PGM5: variants seen among roughly 807,000 people sequenced by gnomAD.
PGM5 encodes phosphoglucomutase-like protein 5.
In PGM5, 23 loss-of-function variants were observed where a neutral mutation model predicts 59.2. The ratio of observed to expected loss-of-function variants is 0.39; its 90% CI spans 0.28 to 0.55. The LOEUF is 0.55. PGM5 is among the 20% of genes least tolerant of loss of function. The probability of loss-of-function intolerance (pLI) is 0.66; values close to 1 mark genes in which losing one functional copy is unlikely to be tolerated. For missense variants in PGM5, 574 were observed against 748.3 expected, an observed-to-expected ratio of 0.77 and a Z score of 2.72; for synonymous variants, 214 against 286.0, an observed-to-expected ratio of 0.75 and a Z score of 2.54.
chr9:68,418,922 C>T lies in PGM5; in HGVS notation c.1043+26449C>T, dbSNP rs557410260. On this transcript the variant is annotated intron_variant, in intron 6 of 10. Coordinates refer to ENST00000396396, the MANE Select transcript of PGM5 (RefSeq NM_021965.4). ...GGGTAAAATGATACCGCAGGAGGAA[C>T]CAGGCTTATGCGAGCTTTATAGTCG... Among the ~76,000 whole-genome samples the T allele has an allele frequency of 3.3e-5, 5 of 152,170 alleles. No individual in the cohort carries two copies. The East Asian group carries it at 9.7e-4, about 29-fold the overall frequency.
At chr9:68,379,923 G>A (rs1156929840) in intron 2 of PGM5, among the ~76,000 whole-genome samples, 1 of 151,918 alleles carries the variant, frequency 6.6e-6, no homozygotes, top group East Asian at 1.9e-4. Flanking sequence ...AAACATATAT[G>A]CATCCAACAT....
At chr9:68,384,583 T>C (rs782178483) in intron 3 of PGM5, 39 bp downstream of exon 3, 3 of 1,412,488 alleles carry the variant, frequency 2.1e-6, no homozygotes, top group Non-Finnish European at 2.0e-6. Flanking sequence ...AGAGTAACTA[T>C]GTGGATGGGG....
At chr9:68,400,959 A>G (rs1183175849) in intron 6 of PGM5, among the ~76,000 whole-genome samples, 2 of 152,228 alleles carry the variant, frequency 1.3e-5, no homozygotes, top group Non-Finnish European at 2.9e-5. Context: ...TACAAGACGC[A>G]TAAGGTGGCC....
intron 10 of PGM5, among the ~76,000 whole-genome samples, chr9:68,515,941 C>T: frequency 6.6e-6 from 1 of 152,110 alleles, no homozygotes; most frequent in Non-Finnish European, 1.5e-5. Flanking sequence ...ATAATAATAA[C>T]AATAGTATCA....
At chr9:68,376,912 CTTTCTTTT>C (rs1821933827) in intron 1 of PGM5, among the ~76,000 whole-genome samples, 1 of 128,414 alleles carries the variant, frequency 7.8e-6, no homozygotes, top group East Asian at 2.3e-4. Context: ...CTCTTTCTTT[CTTTCTTTT>C]TCTTTCTTCT....
intron 7 of PGM5, among the ~76,000 whole-genome samples, chr9:68,471,713 G>T (rs1354060975): frequency 6.6e-6 from 1 of 151,922 alleles, no homozygotes; most frequent in Admixed American, 6.6e-5. Context: ...GAGGTCAGGA[G>T]TTCAAGACCA....
intron 6 of PGM5, among the ~76,000 whole-genome samples, chr9:68,409,847 CATATGT>C (rs1822893392): frequency 7.1e-6 from 1 of 141,142 alleles, no homozygotes; most frequent in Admixed American, 7.3e-5. Flanking sequence ...GCACAATGTG[CATATGT>C]ACCCTAAAAC....
At chr9:68,470,064 T>A (rs1314588542) in intron 7 of PGM5, among the ~76,000 whole-genome samples, 1 of 152,186 alleles carries the variant, frequency 6.6e-6, no homozygotes, top group Non-Finnish European at 1.5e-5. Flanking sequence ...TCTTTAAATA[T>A]TTTCAATCAT....
At chr9:68,424,936 T>C (rs891134286) in intron 6 of PGM5, among the ~76,000 whole-genome samples, 2 of 152,212 alleles carry the variant, frequency 1.3e-5, no homozygotes, top group Non-Finnish European at 2.9e-5. Flanking sequence ...TTGACCTCCT[T>C]CTTCCTTTCT....
intron 10 of PGM5, among the ~76,000 whole-genome samples, chr9:68,516,976 A>G (rs1451825871): frequency 6.6e-6 from 1 of 151,406 alleles, no homozygotes; most frequent in African/African-American, 2.4e-5. Context: ...GGTTCAAACA[A>G]TTCTCCTGCC....
chr9:68,393,203 A>G (rs1360574218), intron 6 of PGM5, among the ~76,000 whole-genome samples: 3 of 152,092 alleles, frequency 2.0e-5, no homozygotes, highest in African/African-American at 7.2e-5. Context: ...AAGTTAGAAA[A>G]CACAAATAAG....
chr9:68,475,755 G>C (rs891561020), intron 7 of PGM5, among the ~76,000 whole-genome samples: 1 of 152,158 alleles, frequency 6.6e-6, no homozygotes, highest in Non-Finnish European at 1.5e-5. Context: ...ATTCTTGTTT[G>C]ATTTATTTTG....
chr9:68,502,196 G>T (rs1824585322), intron 10 of PGM5, among the ~76,000 whole-genome samples: 3 of 152,322 alleles, frequency 2.0e-5, no homozygotes, highest in Admixed American at 1.3e-4. Flanking sequence ...AGGAAGGAAA[G>T]CTTCCAAAGG....
Position 68,479,445 on chromosome 9 carries a change from G to T in PGM5, c.1187G>T (p.Gly396Val). The T allele has an allele frequency of 6.2e-7, 1 of 1,613,850 alleles. No individual in the cohort carries two copies. The highest frequency in any genetic ancestry group is 8.5e-7 in the Non-Finnish European group (1 of 1,179,938). Residue 396 changes from glycine to valine, a missense_variant, in exon 8 of 11, where the codon GGC becomes GTC. By Grantham distance (109) the Gly-to-Val change is moderately radical. Around this residue, in one of 7 missense-constraint regions of PGM5, gnomAD observed 300 missense variants for 280.0 expected, o/e 1.07. Coordinates refer to ENST00000396396, the MANE Select transcript of PGM5 (RefSeq NM_021965.4). ...TGSDHLREKDGLWAVLVWLSI... is the reference protein window; with the variant it reads ...TGSDHLREKDVLWAVLVWLSI... ...TCTGACCACCTCCGAGAGAAGGATG[G>T]CCTGTGGGCTGTCTTGGTCTGGCTC...
chr9:68,410,139 A>C (rs1264225256), intron 6 of PGM5, among the ~76,000 whole-genome samples: 1 of 152,216 alleles, frequency 6.6e-6, no homozygotes, highest in African/African-American at 2.4e-5. Flanking sequence ...GGCAGCAACT[A>C]GAGAGAGGAT....
chr9:68,359,841 A>T (rs1834544752), intron 1 of PGM5, among the ~76,000 whole-genome samples: 1 of 152,210 alleles, frequency 6.6e-6, no homozygotes, highest in South Asian at 2.1e-4. Flanking sequence ...TTCTTTTTTT[A>T]AATTAAATTT....
chr9:68,365,070 A>G (rs1472825156), intron 1 of PGM5, among the ~76,000 whole-genome samples: 1 of 151,770 alleles, frequency 6.6e-6, no homozygotes, highest in Non-Finnish European at 1.5e-5. Context: ...TTCTATACAG[A>G]CTTGAGGACA....
At chr9:68,484,102 A>G in intron 9 of PGM5, 54 bp downstream of exon 9, 1 of 1,501,002 alleles carries the variant, frequency 6.7e-7, no homozygotes, top group Non-Finnish European at 9.2e-7. Flanking sequence ...AGTGGCCAAA[A>G]TGTCCTAGAA....
At chr9:68,457,423 C>T (rs2132074541) in intron 6 of PGM5, among the ~76,000 whole-genome samples, 1 of 152,238 alleles carries the variant, frequency 6.6e-6, no homozygotes. Flanking sequence ...ATACCCATGC[C>T]TCACAGAATT....
Sources: gnomAD v4.1 joint callset for allele counts (sites outside exome capture counted in the v4.1 genomes callset) on GRCh38, gnomAD v4.1.1 for gene constraint, gnomAD v4.1.1 regional missense constraint, MANE v1.5 for transcripts, NCBI Gene and HGNC (gene_info 2026-07-23, HGNC 2026-07-21) for gene names.